The following USH2A variants were observed in gnomAD, a reference collection of about 807,000 sequenced individuals.
USH2A encodes the protein usherin.
A neutral mutation model predicts 538.9 loss-of-function variants in USH2A; 443 were observed. The ratio of observed to expected loss-of-function variants is 0.82; its 90% CI spans 0.76 to 0.89. USH2A has a LOEUF of 0.89. USH2A is among the 40% of genes least tolerant of loss of function. The pLI is 0.00. For missense variants in USH2A, 6,633 were observed against 6,324.8 expected (o/e 1.05, Z -1.65); for synonymous variants, 2,413 against 2,273.5 (o/e 1.06, Z -1.75).
chr1:216,342,494 C>G (rs1383821710), intron 4 of USH2A, among the ~76,000 whole-genome samples: 1 of 152,064 alleles, frequency 6.6e-6, no homozygotes. Context: ...TGGGCATATA[C>G]CCAAAGGAAT....
intron 38 of USH2A, among the ~76,000 whole-genome samples, chr1:215,932,243 A>G (rs1666382618): frequency 6.6e-6 from 1 of 151,972 alleles, no homozygotes; most frequent in African/African-American, 2.4e-5. Context: ...TAGCATATAG[A>G]ACCTTCTCTG....
chr1:215,662,545 C>T (rs1657472913), intron 64 of USH2A, among the ~76,000 whole-genome samples: 1 of 152,202 alleles, frequency 6.6e-6, no homozygotes, highest in East Asian at 1.9e-4. Flanking sequence ...CTCACACTGA[C>T]AGGTGGAAAT....
At chr1:215,904,288 C>T (rs1044205379) in intron 38 of USH2A, among the ~76,000 whole-genome samples, 1 of 151,984 alleles carries the variant, frequency 6.6e-6, no homozygotes, top group South Asian at 2.1e-4. Context: ...GGAAGAAGTG[C>T]CCCAAAGTAG....
chr1:216,136,382 C>A (rs2033486832), intron 21 of USH2A, among the ~76,000 whole-genome samples: 1 of 152,062 alleles, frequency 6.6e-6, no homozygotes, highest in Non-Finnish European at 1.5e-5. Flanking sequence ...AAATATCATC[C>A]AATTGCTTTA....
intron 37 of USH2A, among the ~76,000 whole-genome samples, chr1:215,956,240 A>G (rs762944976): frequency 6.6e-6 from 1 of 152,194 alleles, no homozygotes; most frequent in Non-Finnish European, 1.5e-5. Context: ...CTAGACAGGC[A>G]TATCAGTGGT....
At chr1:216,289,461 C>A (rs2102606671) in intron 10 of USH2A, 51 bp from the exon 11 acceptor site, 2 of 1,611,380 alleles carry the variant, frequency 1.2e-6, no homozygotes, top group Non-Finnish European at 1.7e-6. Flanking sequence ...TTAAAATCAG[C>A]TGCATAATTC....
intron 21 of USH2A, among the ~76,000 whole-genome samples, chr1:216,147,115 C>T (rs929697517): frequency 4.6e-5 from 7 of 151,958 alleles, no homozygotes; most frequent in African/African-American, 1.5e-4. Flanking sequence ...CATCCCAAAT[C>T]TTCCTTCTTT....
chr1:216,289,220 T>A, intron 11 of USH2A, 60 bp downstream of exon 11: 1 of 1,610,982 alleles, frequency 6.2e-7, no homozygotes, highest in Non-Finnish European at 8.5e-7. Flanking sequence ...TGGAATAACA[T>A]CCAAATAAGT....
Position 216,247,344 on chromosome 1 carries a change from C to T in USH2A, c.2168-118G>A. 8 of 1,268,306 alleles carry T rather than the reference C, an allele frequency of 6.3e-6. No individual in the cohort carries two copies. The South Asian group carries it at 7.7e-5, about 12-fold the overall frequency. The allele number at this position is 1,268,306 out of a possible 1,614,324, so 78.6% of individuals were successfully genotyped here. On this transcript the variant is annotated intron_variant, in intron 12 of 71. Coordinates refer to ENST00000307340, the MANE Select transcript of USH2A (RefSeq NM_206933.4). ...ACACAAAATATTGAGTGTTTTCTCA[C>T]AAGCAATGCCATAGGGGGCCAATCT... is the stretch of plus-strand genomic sequence containing the variant.
chr1:216,033,219 A>G (rs913732467), intron 32 of USH2A, among the ~76,000 whole-genome samples: 2 of 152,242 alleles, frequency 1.3e-5, no homozygotes, highest in African/African-American at 4.8e-5. Context: ...CAAACTTTGT[A>G]TGCACTCAAT....
chr1:216,070,712 C>CAA (rs150759077), intron 29 of USH2A, among the ~76,000 whole-genome samples: 4 of 147,960 alleles, frequency 2.7e-5, no homozygotes, highest in South Asian at 2.1e-4. Context: ...ATGTATTAGC[C>CAA]AAAAAAAAAA....
At chr1:216,041,634 G>C (rs2030280714) in intron 32 of USH2A, among the ~76,000 whole-genome samples, 1 of 152,000 alleles carries the variant, frequency 6.6e-6, no homozygotes, top group Non-Finnish European at 1.5e-5. Flanking sequence ...ATATTGTAGA[G>C]GGTAAAACAT....
intron 60 of USH2A, among the ~76,000 whole-genome samples, chr1:215,736,810 G>A (rs2102721498): frequency 6.6e-6 from 1 of 152,002 alleles, no homozygotes; most frequent in Non-Finnish European, 1.5e-5. Context: ...TGAAAATATT[G>A]AGCTGACAGA....
At chr1:216,419,723 A>G (rs1393143779) in intron 2 of USH2A, among the ~76,000 whole-genome samples, 1 of 152,080 alleles carries the variant, frequency 6.6e-6, no homozygotes, top group Non-Finnish European at 1.5e-5. Flanking sequence ...TTTGTGATCA[A>G]ATTTGGTAGG....
At chr1:215,936,591 T>C (rs1666504521) in intron 37 of USH2A, among the ~76,000 whole-genome samples, 1 of 152,102 alleles carries the variant, frequency 6.6e-6, no homozygotes, top group African/African-American at 2.4e-5. Flanking sequence ...TAGTTGCTCA[T>C]AAACAACAGC....
intron 15 of USH2A, among the ~76,000 whole-genome samples, chr1:216,207,874 C>A (rs1271689715): frequency 6.7e-6 from 1 of 150,294 alleles, no homozygotes. Flanking sequence ...AAGCACAATG[C>A]TTTATCTTGC....
intron 60 of USH2A, among the ~76,000 whole-genome samples, chr1:215,735,049 TC>T (rs1660118452): frequency 6.6e-6 from 1 of 152,226 alleles, no homozygotes; most frequent in South Asian, 2.1e-4. Flanking sequence ...ATTAGGCTGT[TC>T]TTGTGTTGCA....
chr1:215,995,590 C>G (rs1436471332), intron 34 of USH2A, among the ~76,000 whole-genome samples: 1 of 152,094 alleles, frequency 6.6e-6, no homozygotes, highest in African/African-American at 2.4e-5. Context: ...CCACTACATT[C>G]AATACAGCTG....
intron 4 of USH2A, among the ~76,000 whole-genome samples, chr1:216,332,546 C>T (rs913948613): frequency 6.6e-6 from 1 of 152,100 alleles, no homozygotes; most frequent in Non-Finnish European, 1.5e-5. Flanking sequence ...AAGGTCTCAC[C>T]TCAGCTCGAC....
Sources: allele counts gnomAD v4.1 joint callset (sites outside exome capture counted in the v4.1 genomes callset), GRCh38; gene constraint gnomAD v4.1.1; transcripts MANE v1.5; gene names NCBI Gene and HGNC (gene_info 2026-07-23, HGNC 2026-07-21).